Variants in TMEM117 observed in about 807,000 individuals in gnomAD.
TMEM117 encodes the protein transmembrane protein 117.
TMEM117 carries 27 observed loss-of-function variants against 52.4 expected under a neutral mutation model. That is an observed-to-expected ratio of 0.51 (90% confidence interval 0.38 to 0.71). TMEM117 has a LOEUF of 0.71. Ranked by LOEUF, TMEM117 falls within the 30% of genes least tolerant of loss-of-function variation. The probability of loss-of-function intolerance (pLI) is 0.00; values close to 1 mark genes in which losing one functional copy is unlikely to be tolerated. For missense variants in TMEM117, 556 were observed against 630.5 expected (o/e 0.88, Z 1.26); for synonymous variants, 215 against 206.3 (o/e 1.04, Z -0.36).
chr12:44,169,084 T>G (rs1349231055), intron 4 of TMEM117, among the ~76,000 whole-genome samples: 3 of 152,262 alleles, frequency 2.0e-5, no homozygotes, highest in Non-Finnish European at 2.9e-5. Context: ...TACTAAATTT[T>G]GTTTATTCAT....
At chr12:43,867,282 A>T (rs143842536) in intron 2 of TMEM117, among the ~76,000 whole-genome samples, 23 of 152,310 alleles carry the variant, frequency 1.5e-4, no homozygotes, top group Admixed American at 1.4e-3. Context: ...TTAAACTGTG[A>T]TAAGTTAAAA....
chr12:44,270,552 A>G (rs941260061), intron 5 of TMEM117, among the ~76,000 whole-genome samples: 1 of 152,118 alleles, frequency 6.6e-6, no homozygotes, highest in African/African-American at 2.4e-5. Flanking sequence ...CGATCATATC[A>G]TCGGTAAAGA....
At chr12:43,997,511 A>G (rs1270018699) in intron 3 of TMEM117, among the ~76,000 whole-genome samples, 1 of 152,176 alleles carries the variant, frequency 6.6e-6, no homozygotes, top group Admixed American at 6.5e-5. Context: ...TTTCTTTGCT[A>G]AAGATGACTG....
At chr12:43,915,990 C>T (rs1944596471) in intron 2 of TMEM117, among the ~76,000 whole-genome samples, 1 of 151,970 alleles carries the variant, frequency 6.6e-6, no homozygotes, top group Non-Finnish European at 1.5e-5. Flanking sequence ...ACTGCTGTGG[C>T]CATTATGGTA....
chr12:44,232,813 T>C (rs1199700418), intron 5 of TMEM117, among the ~76,000 whole-genome samples: 1 of 151,410 alleles, frequency 6.6e-6, no homozygotes, highest in Non-Finnish European at 1.5e-5. Flanking sequence ...TTTATTTGTG[T>C]CTTCTTTACT....
chr12:44,205,594 G>C (rs1029992074), intron 4 of TMEM117, among the ~76,000 whole-genome samples: 2 of 152,098 alleles, frequency 1.3e-5, no homozygotes, highest in Non-Finnish European at 2.9e-5. Flanking sequence ...ATTAAAAAAT[G>C]GGCAAAGGAC....
rs539696176 is a variant in TMEM117 at position 44,233,660 on chromosome 12, T to C, written c.608+22273T>C. On this transcript the variant is annotated intron_variant, in intron 5 of 7. Transcript: ENST00000266534. ...CAAAATATTTATTTTCCTTTAAAAA[T>C]ATTTTATTGTATCTTTCATTTTTAT... 7.9e-5 allele frequency among the ~76,000 whole-genome samples: 12 copies of C among 151,568 alleles called. No homozygotes were observed. In the South Asian group the frequency reaches 1.2e-3, roughly 16 times the overall value.
intron 2 of TMEM117, among the ~76,000 whole-genome samples, chr12:43,897,994 A>G (rs1420577309): frequency 6.6e-6 from 1 of 151,700 alleles, no homozygotes; most frequent in Non-Finnish European, 1.5e-5. Flanking sequence ...AAGGCTATGA[A>G]TGTGACTAAT....
intron 3 of TMEM117, among the ~76,000 whole-genome samples, chr12:44,121,917 A>G (rs1260232265): frequency 1.3e-5 from 2 of 152,032 alleles, no homozygotes; most frequent in Non-Finnish European, 2.9e-5. Context: ...ATTGTACTCA[A>G]TATTTAGCTC....
chr12:44,212,072 A>T lies in TMEM117; in HGVS notation c.608+685A>T, dbSNP rs529782606. Among the ~76,000 whole-genome samples, 3 of 152,338 alleles carry T rather than the reference A, an allele frequency of 2.0e-5. No homozygotes were observed. In the South Asian group the frequency reaches 6.2e-4, roughly 32 times the overall value. On this transcript the variant is annotated intron_variant, in intron 5 of 7. Transcript: ENST00000266534. ...CCCAAGAAAAGTTATGTAAACTAAC[A>T]CTTATAAATGTTCTACAGTATTTCC...
intron 2 of TMEM117, among the ~76,000 whole-genome samples, chr12:43,873,776 C>T (rs1023287809): frequency 5.9e-5 from 9 of 151,746 alleles, no homozygotes; most frequent in African/African-American, 1.9e-4. Flanking sequence ...GAGCCTTTTA[C>T]CAAGAAGGTT....
At chr12:43,895,358 G>T (rs1291226417) in intron 2 of TMEM117, among the ~76,000 whole-genome samples, 1 of 152,104 alleles carries the variant, frequency 6.6e-6, no homozygotes. Context: ...ATAGTGTTCT[G>T]TGGTGTATAT....
intron 4 of TMEM117, among the ~76,000 whole-genome samples, chr12:44,206,081 G>T (rs1949561867): frequency 6.6e-6 from 1 of 152,154 alleles, no homozygotes; most frequent in Non-Finnish European, 1.5e-5. Flanking sequence ...CAAGCCAATG[G>T]TAAGCATTAT....
At chr12:44,251,206 C>T (rs1319055271) in intron 5 of TMEM117, among the ~76,000 whole-genome samples, 2 of 151,970 alleles carry the variant, frequency 1.3e-5, no homozygotes, top group Admixed American at 6.6e-5. Context: ...AGATTTACAA[C>T]ATTATTAAAG....
intron 3 of TMEM117, among the ~76,000 whole-genome samples, chr12:44,036,191 T>C (rs1946707673): frequency 6.6e-6 from 1 of 152,220 alleles, no homozygotes; most frequent in Non-Finnish European, 1.5e-5. Flanking sequence ...ATTATCCTTT[T>C]TAACAATGAT....
intron 6 of TMEM117, among the ~76,000 whole-genome samples, chr12:44,334,960 T>C (rs1206234018): frequency 6.6e-6 from 1 of 151,956 alleles, no homozygotes; most frequent in African/African-American, 2.4e-5. Context: ...AATCAGAGAA[T>C]GTAAGGGGGG....
intron 2 of TMEM117, among the ~76,000 whole-genome samples, chr12:43,926,220 AC>A (rs1428977460): frequency 6.6e-6 from 1 of 152,222 alleles, no homozygotes; most frequent in African/African-American, 2.4e-5. Flanking sequence ...CAGTAGAAGC[AC>A]CAGGGTGCTT....
chr12:43,813,173 G>C, the TMEM117 span, among the ~76,000 whole-genome samples: 1 of 146,440 alleles, frequency 6.8e-6, no homozygotes, highest in Admixed American at 6.8e-5. Context: ...ACTCCTACCA[G>C]CCTTATTCAT....
intron 5 of TMEM117, 124 bp from the exon 6 acceptor site, chr12:44,299,456 C>T (rs541792349): frequency 7.8e-7 from 1 of 1,275,268 alleles, no homozygotes; most frequent in South Asian, 1.6e-5. Context: ...TTCCTTTTGG[C>T]TAATATACCT....
Sources: allele counts gnomAD v4.1 joint callset (sites outside exome capture counted in the v4.1 genomes callset), GRCh38; gene constraint gnomAD v4.1.1; transcripts MANE v1.5; gene names NCBI Gene and HGNC (gene_info 2026-07-23, HGNC 2026-07-21).